The following PCID2 variants were observed in gnomAD, a reference collection of about 807,000 sequenced individuals.
PCID2 encodes the protein PCI domain containing 2, also known as PCI domain-containing protein 2.
A neutral mutation model predicts 61.3 loss-of-function variants in PCID2; 41 were observed. That is an observed-to-expected ratio of 0.67 (90% CI 0.52 to 0.87). The LOEUF (loss-of-function observed/expected upper bound fraction) is 0.87, where lower values mean the gene tolerates loss of function less well. PCID2 is among the 40% of genes least tolerant of loss of function. PCID2 has a pLI of 0.00. For synonymous variants in PCID2, 187 were observed against 177.8 expected, an observed-to-expected ratio of 1.05 and a Z score of -0.41; for missense variants, 392 against 493.4, an observed-to-expected ratio of 0.79 and a Z score of 1.95.
chr13:113,207,502 C>T (rs114484617), intron 1 of PCID2, among the ~76,000 whole-genome samples: 2,807 of 152,208 alleles, frequency 0.018, 80 homozygotes, highest in African/African-American at 0.063. Context: ...AGAAAAGGCC[C>T]TGGGCTTACA....
At chr13:113,193,272 C>CT (rs1382015604) in intron 6 of PCID2, among the ~76,000 whole-genome samples, 8 of 151,496 alleles carry the variant, frequency 5.3e-5, no homozygotes, top group East Asian at 1.9e-4. Flanking sequence ...TGTAACTAAC[C>CT]TTTTTAAAAA....
the PCID2 span, chr13:113,165,175 T>A: frequency 1.3e-6 from 2 of 1,526,216 alleles, no homozygotes; most frequent in Non-Finnish European, 1.8e-6. Context: ...TCACCTCACT[T>A]GTCATTTCCT....
chr13:113,208,409 G>C (rs935784783), intron 1 of PCID2, 190 bp downstream of exon 1: 12 of 1,480,706 alleles, frequency 8.1e-6, no homozygotes, highest in Admixed American at 2.2e-5. Flanking sequence ...CCCTGCAGGG[G>C]AGAACTCGGG....
intron 7 of PCID2, 137 bp downstream of exon 7, chr13:113,190,735 A>G (rs2038541687): frequency 2.1e-6 from 1 of 467,952 alleles, no homozygotes; most frequent in Non-Finnish European, 3.8e-6. Context: ...TAAAGCAAAA[A>G]TAACAATGGT....
In PCID2 at chr13:113,198,238, T is replaced by G. The variant is rs149143185; in HGVS notation, c.153A>C (p.Gln51His). 6.2e-7 allele frequency: 1 copy of G among 1,609,440 alleles called. No homozygotes were observed. The highest frequency in any genetic ancestry group is 8.5e-7 in the Non-Finnish European group (1 of 1,178,024). ...CATCATAAGGGGGTTCCAAGACTTG[T>G]TGACACTTCTCCTCTGGAGAGGCCA... is the stretch of plus-strand genomic sequence containing the variant. ...LQMASPEEKCQQVLEPPYDEM... is the reference protein window; with the variant it reads ...LQMASPEEKCHQVLEPPYDEM... The change falls in exon 3 of 14, where the codon CAA becomes CAC. Residue 51 changes from glutamine to histidine, a missense_variant. Transcript: ENST00000337344.
chr13:113,189,666 A>C lies in PCID2; in HGVS notation c.467+1206T>G, dbSNP rs141929252. On this transcript the variant is annotated intron_variant, in intron 7 of 13. Transcript: ENST00000337344. ...ATTTAAAAATAAATAATGGCAGAAA[A>C]GATCAGTCAACTTGTAAGCAGGTCA... 6.2e-3 allele frequency among the ~76,000 whole-genome samples: 949 copies of C among 152,138 alleles called. 17 individuals carry two copies. Among genetic ancestry groups the C allele is most frequent in the African/African-American group, 0.022 (911 of 41,476 alleles).
At chr13:113,168,367 T>A in the PCID2 span, among the ~76,000 whole-genome samples, 2 of 152,208 alleles carry the variant, frequency 1.3e-5, no homozygotes, top group African/African-American at 4.8e-5. Context: ...AGAAGCCTTC[T>A]TGCGTTTGTC....
the PCID2 span, among the ~76,000 whole-genome samples, chr13:113,165,851 A>G: frequency 2.6e-5 from 4 of 152,182 alleles, no homozygotes; most frequent in Non-Finnish European, 5.9e-5. Flanking sequence ...CTTTCTGTTT[A>G]CTTAATGGTC....
At chr13:113,173,388 T>TATGA (rs2037146618), downstream of PCID2, among the ~76,000 whole-genome samples, 1 of 151,994 alleles carries the variant, frequency 6.6e-6, no homozygotes, top group Non-Finnish European at 1.5e-5. Context: ...ACATTTTAAC[T>TATGA]CTTAGTTAAG....
chr13:113,187,109 T>C (rs948469020), intron 7 of PCID2: 1 of 152,210 alleles, frequency 6.6e-6, no homozygotes, highest in African/African-American at 2.4e-5. Flanking sequence ...GTTTTCCTCA[T>C]CTGAAAACGG....
At chr13:113,175,744 G>A (rs998046550), downstream of PCID2, among the ~76,000 whole-genome samples, 1 of 152,234 alleles carries the variant, frequency 6.6e-6, no homozygotes, top group African/African-American at 2.4e-5. Flanking sequence ...ACAGGCACAG[G>A]CGCTTGCCTT....
In PCID2 at chr13:113,179,711, C is replaced by G. The variant is rs2037446859; in HGVS notation, c.986+206G>C. ...GAACCTGCTTACCTCCCCCACAAGT[C>G]CAGGCACAGCTTGTGCTACTCACGT... On this transcript the variant is annotated intron_variant, in intron 12 of 13. Coordinates refer to ENST00000337344, the MANE Select transcript of PCID2 (RefSeq NM_001127202.4). The surrounding 1 kb of genome is among the most constrained non-coding windows in gnomAD (Gnocchi z 4.3). Among the ~76,000 whole-genome samples, 1 of 152,186 alleles carries G rather than the reference C, an allele frequency of 6.6e-6. No homozygotes were observed. The highest frequency in any genetic ancestry group is 1.5e-5 in the Non-Finnish European group (1 of 68,026).
chr13:113,199,593 T>A (rs527239393), intron 2 of PCID2, among the ~76,000 whole-genome samples: 1 of 152,232 alleles, frequency 6.6e-6, no homozygotes, highest in South Asian at 2.1e-4. Flanking sequence ...TGTCTCAGAT[T>A]GCAAACAGGA....
chr13:113,190,690 C>T (rs1348659849), intron 7 of PCID2, 182 bp downstream of exon 7: 2 of 441,418 alleles, frequency 4.5e-6, no homozygotes, highest in Non-Finnish European at 8.0e-6. Context: ...TTTTTTCCCT[C>T]AGCTCTTATT....
intron 10 of PCID2, 98 bp downstream of exon 10, chr13:113,181,032 A>G: frequency 1.3e-6 from 1 of 789,140 alleles, no homozygotes; most frequent in Non-Finnish European, 2.2e-6. Context: ...TCAGGCTGTG[A>G]TCAACTACAG....
At chr13:113,207,906 T>C in intron 1 of PCID2, 1 of 900,826 alleles carries the variant, frequency 1.1e-6, no homozygotes, top group South Asian at 1.3e-5. Flanking sequence ...ATCCATTCCC[T>C]ATATTTCCTA....
At chr13:113,194,207 C>T (rs988040199) in intron 6 of PCID2, among the ~76,000 whole-genome samples, 9 of 152,146 alleles carry the variant, frequency 5.9e-5, no homozygotes, top group African/African-American at 2.2e-4. Flanking sequence ...TGGGGTGGGA[C>T]GGACCTGCTG....
At chr13:113,202,553 G>A (rs1187964894) in intron 1 of PCID2, among the ~76,000 whole-genome samples, 1 of 152,160 alleles carries the variant, frequency 6.6e-6, no homozygotes. Context: ...TTGAAAATGA[G>A]GAAGATCTCT....
At chr13:113,173,146 G>A (rs1404026572), downstream of PCID2, among the ~76,000 whole-genome samples, 2 of 152,314 alleles carry the variant, frequency 1.3e-5, no homozygotes, top group Non-Finnish European at 2.9e-5. Context: ...CCAGCCCCCA[G>A]ATCTGTGAGA....
Sources: gnomAD v4.1 joint callset for allele counts (sites outside exome capture counted in the v4.1 genomes callset) on GRCh38, gnomAD v4.1.1 for gene constraint, Gnocchi (gnomAD v3.1) non-coding constraint, MANE v1.5 for transcripts, NCBI Gene and HGNC (gene_info 2026-07-23, HGNC 2026-07-21) for gene names.